Variants in MKRN1 observed in about 807,000 individuals in gnomAD.
MKRN1 encodes the protein E3 ubiquitin-protein ligase makorin-1.
Under a neutral mutation model 55.5 loss-of-function variants are expected in MKRN1, and 9 were observed. The ratio of observed to expected loss-of-function variants is 0.16; its 90% confidence interval spans 0.10 to 0.28. The LOEUF (loss-of-function observed/expected upper bound fraction) is 0.28, where lower values mean the gene tolerates loss of function less well. Among genes scored for constraint, MKRN1 ranks in the 10% least tolerant of loss-of-function variants. The probability of loss-of-function intolerance (pLI) is 1.00; values close to 1 mark genes in which losing one functional copy is unlikely to be tolerated. For missense variants in MKRN1, 488 were observed against 626.7 expected (o/e 0.78, Z 2.36); for synonymous variants, 253 against 235.9 (o/e 1.07, Z -0.66).
chr7:140,459,901 G>T lies in MKRN1; in HGVS notation c.350C>A (p.Ala117Glu), dbSNP rs1455032685. 1.2e-6 allele frequency: 2 copies of T among 1,613,870 alleles called. No homozygotes were observed. The highest frequency in any genetic ancestry group is 3.3e-5 in the Admixed American group (2 of 60,002). The part of the protein sequence containing the change: ...EHSKPLKQEE[A>E]TATELTTKSS... Reference sequence around the variant, plus strand: ...CTTTGTAGTTAGCTCTGTAGCAGTTGCTTCTTCCTGTTTCAATGGTTTGCT... The same window carrying T: ...CTTTGTAGTTAGCTCTGTAGCAGTTTCTTCTTCCTGTTTCAATGGTTTGCT... The change falls in exon 3 of 8, where the codon GCA (alanine) becomes GAA (glutamate). Residue 117 changes from alanine (A) to glutamate (E), a missense_variant. By Grantham distance (107) the Ala-to-Glu change is moderately radical. Around this residue, in one of 2 missense-constraint regions of MKRN1, gnomAD observed 210 missense variants for 220.0 expected, o/e 0.95. Coordinates refer to ENST00000255977, the MANE Select transcript of MKRN1 (RefSeq NM_013446.4).
intron 4 of MKRN1, among the ~76,000 whole-genome samples, chr7:140,457,646 C>T (rs1794505673): frequency 1.3e-5 from 2 of 151,378 alleles, no homozygotes; most frequent in South Asian, 2.1e-4. Flanking sequence ...TGCAGTGAGC[C>T]GAGACTGCAC....
chr7:140,468,081 T>C (rs2130319038), intron 2 of MKRN1, among the ~76,000 whole-genome samples: 1 of 151,936 alleles, frequency 6.6e-6, no homozygotes, highest in Non-Finnish European at 1.5e-5. Context: ...TCACTCCATC[T>C]ACACAGTCCA....
At position 140,471,993 on chromosome 7, in the gene MKRN1, A is replaced by G. The variant is rs761801209; in HGVS notation, c.204T>C (p.Val68=). ...AGCGACAGTTGTCTCCTTCCTTACA[A>G]ACCCCATGCATAAAATACCTGTGAG... ...QVTCRYFMHG[V]CKEGDNCRYS... The change falls in exon 2 of 8, where the codon GTT becomes GTC. Residue 68 remains valine (V), a synonymous_variant. Transcript: ENST00000255977. 6.2e-7 allele frequency: 1 copy of G among 1,614,164 alleles called. No homozygotes were observed. The highest frequency in any genetic ancestry group is 8.5e-7 in the Non-Finnish European group (1 of 1,180,032).
rs145878319 is a variant in MKRN1, at chr7:140,476,909, G to A, written c.185+2251C>T. On this transcript the variant is annotated intron_variant, in intron 1 of 7. Coordinates refer to ENST00000255977, the MANE Select transcript of MKRN1 (RefSeq NM_013446.4). ...AGCCTGACCAACACGGAGAAAGCCC[G>A]TCTCTACTAAAAATACAAAATTAGT... Among the ~76,000 whole-genome samples the A allele has an allele frequency of 9.8e-3, 1,497 of 152,024 alleles. 16 individuals carry two copies. The highest frequency in any genetic ancestry group is 0.014 in the Non-Finnish European group (919 of 67,976).
chr7:140,459,298 G>A, intron 3 of MKRN1, 65 bp from the exon 4 acceptor site: 2 of 1,479,442 alleles, frequency 1.4e-6, no homozygotes, highest in Non-Finnish European at 1.9e-6. Context: ...AGAGAACTGA[G>A]AATCTAACCG....
In MKRN1 at chr7:140,472,004, T is replaced by C; in HGVS notation, c.193A>G (p.Met65Val). The C allele has an allele frequency of 6.2e-7, 1 of 1,614,022 alleles. No homozygotes were observed. Among genetic ancestry groups the C allele is most frequent in the Non-Finnish European group, 8.5e-7 (1 of 1,180,012 alleles). ...TCTCCTTCCTTACAAACCCCATGCA[T>C]AAAATACCTGTGAGACGAAAGACCA... ...WTKQVTCRYF[M>V]HGVCKEGDNC... Residue 65 changes from methionine to valine, a missense_variant, in exon 2 of 8, where the codon ATG becomes GTG. Physicochemically the swap from Met to Val is conservative, Grantham distance 21. Around this residue, in one of 2 missense-constraint regions of MKRN1, gnomAD observed 210 missense variants for 220.0 expected, o/e 0.95. Transcript: ENST00000255977.
chr7:140,470,787 C>T lies in MKRN1; in HGVS notation c.314+1096G>A, dbSNP rs949441668. ...AAAAAATTAGCCGGGCATAGTGGCA[C>T]GCAGATGTAATCCCATCTACTTGGG... On this transcript the variant is annotated intron_variant, in intron 2 of 7. Coordinates refer to ENST00000255977, the MANE Select transcript of MKRN1 (RefSeq NM_013446.4). 3.3e-5 allele frequency among the ~76,000 whole-genome samples: 5 copies of T among 151,534 alleles called. No homozygotes were observed. In the East Asian group the frequency reaches 7.8e-4, roughly 24 times the overall value.
rs1161359835 is a variant in MKRN1 at position 140,470,044 on chromosome 7, C to T, written c.314+1839G>A. Among the ~76,000 whole-genome samples the T allele has an allele frequency of 7.3e-5, 5 of 68,240 alleles. No individual in the cohort carries two copies. In the Admixed American group the frequency reaches 7.4e-4, roughly 10 times the overall value. The allele number at this position is 68,240 out of a possible 152,430, so 44.8% of individuals were successfully genotyped here. A position where few individuals can be genotyped will look rare whatever the true frequency, so the allele number is the denominator to read the frequency against. On this transcript the variant is annotated intron_variant, in intron 2 of 7. Coordinates refer to ENST00000255977, the MANE Select transcript of MKRN1 (RefSeq NM_013446.4). ...GCCTGGCGACAGAGCTAGGCTCTGTCTCAAAAAAAAAAAAAAAAAAAAAAA... is the reference window on the plus strand; with the variant it reads ...GCCTGGCGACAGAGCTAGGCTCTGTTTCAAAAAAAAAAAAAAAAAAAAAAA...
At position 140,454,171 on chromosome 7, in the gene MKRN1, T is replaced by A. The variant is rs1159479204; in HGVS notation, c.*346A>T. On this transcript the variant is annotated 3_prime_UTR_variant, in exon 8 of 8. Transcript: ENST00000255977. ...GACCCCAAAGCAGGGCCACTGCTTT[T>A]ACTTTTGAACCTGGGGTCCTCAAAA... 3 of 315,992 alleles carry A rather than the reference T, an allele frequency of 9.5e-6. No individual in the cohort carries two copies. Among genetic ancestry groups the A allele is most frequent in the South Asian group, 6.1e-5 (2 of 32,822 alleles). The allele number at this position is 315,992 out of a possible 1,614,324, so 19.6% of individuals were successfully genotyped here. A position where few individuals can be genotyped will look rare whatever the true frequency, so the allele number is the denominator to read the frequency against.
At chr7:140,463,691 C>T (rs562268978) in intron 2 of MKRN1, among the ~76,000 whole-genome samples, 16 of 152,086 alleles carry the variant, frequency 1.1e-4, no homozygotes, top group South Asian at 2.1e-4. Flanking sequence ...GGAGACCATC[C>T]TGGCTAACAC....
chr7:140,462,832 G>C (rs1412676246), intron 2 of MKRN1, among the ~76,000 whole-genome samples: 1 of 152,116 alleles, frequency 6.6e-6, no homozygotes, highest in Non-Finnish European at 1.5e-5. Flanking sequence ...CGGGTGTGGT[G>C]GTGTGCGTCT....
At chr7:140,457,696 T>C (rs1585465051) in intron 4 of MKRN1, among the ~76,000 whole-genome samples, 1 of 150,944 alleles carries the variant, frequency 6.6e-6, no homozygotes, top group East Asian at 1.9e-4. Flanking sequence ...AGACTCTGTC[T>C]CAAAAAAAAA....
At position 140,455,251 on chromosome 7, in the gene MKRN1, G is replaced by A. The variant is rs772200247; in HGVS notation, c.1098-18C>T. ...CCTTGTTGCTGGAAAGGAAAATATC[G>A]CAACCCTTATTCACAGTGGATTTCA... On this transcript the variant is annotated intron_variant, in intron 6 of 7. Transcript: ENST00000255977. 6 of 1,613,552 alleles carry A rather than the reference G, an allele frequency of 3.7e-6. No individual in the cohort carries two copies. The highest frequency in any genetic ancestry group is 2.2e-5 in the East Asian group (1 of 44,886).
chr7:140,475,461 A>C (rs1170219681), intron 1 of MKRN1: 2 of 249,584 alleles, frequency 8.0e-6, no homozygotes, highest in African/African-American at 4.8e-5. Flanking sequence ...GGAGTTCAAG[A>C]CCAGCCTAGG....
chr7:140,461,710 G>A (rs145472716), intron 2 of MKRN1, among the ~76,000 whole-genome samples: 42 of 152,258 alleles, frequency 2.8e-4, no homozygotes, highest in African/African-American at 8.4e-4. Flanking sequence ...CCTGCTGGAC[G>A]TGGTGGCTCA....
At chr7:140,467,973 G>A (rs920160166) in intron 2 of MKRN1, among the ~76,000 whole-genome samples, 7 of 143,730 alleles carry the variant, frequency 4.9e-5, no homozygotes, top group Non-Finnish European at 1.0e-4. Flanking sequence ...TTGCACTCCA[G>A]CCTGGGCAAC....
chr7:140,455,680 C>A, intron 6 of MKRN1, 110 bp downstream of exon 6: 1 of 850,348 alleles, frequency 1.2e-6, no homozygotes, highest in South Asian at 1.6e-5. Flanking sequence ...CCTGGGAAGT[C>A]AAAGAAGGGT....
Position 140,455,132 on chromosome 7 carries a change from G to A in MKRN1, c.1199C>T (p.Pro400Leu). The change falls in exon 7 of 8, where the codon CCA becomes CTA. Residue 400 changes from proline (P) to leucine (L), a missense_variant. This residue lies in a region of MKRN1 where 278 missense variants were observed against 406.7 expected (regional missense o/e 0.68). Coordinates refer to ENST00000255977, the MANE Select transcript of MKRN1 (RefSeq NM_013446.4). ...TGATGTTCCCACTTTCTGTCTCTGT[G>A]GCTCCTCTCTACGGCCATCAGGGTA... ...HAYPDGRREE[P>L]QRQKVGTSSR... 6.2e-7 allele frequency: 1 copy of A among 1,613,864 alleles called. No individual in the cohort carries two copies. The highest frequency in any genetic ancestry group is 8.5e-7 in the Non-Finnish European group (1 of 1,179,990).
intron 1 of MKRN1, chr7:140,478,056 G>A (rs1795177338): frequency 6.6e-6 from 1 of 152,198 alleles, no homozygotes. Context: ...CAGGATAAAT[G>A]TATCACATCA....
Sources: allele counts gnomAD v4.1 joint callset (sites outside exome capture counted in the v4.1 genomes callset), GRCh38; gene constraint gnomAD v4.1.1; regional missense constraint gnomAD v4.1.1; transcripts MANE v1.5; gene names NCBI Gene and HGNC (gene_info 2026-07-23, HGNC 2026-07-21).